The following MCUB variants were observed in gnomAD, a reference collection of about 807,000 sequenced individuals.
The protein encoded by MCUB is calcium uniporter regulatory subunit MCUb, mitochondrial.
A neutral mutation model predicts 41.4 loss-of-function variants in MCUB; 46 were observed. That is an observed-to-expected ratio of 1.11 (90% CI 0.88 to 1.42). MCUB has a LOEUF of 1.42. Ranked by LOEUF, MCUB falls within the 40% of genes most tolerant of loss-of-function variation. The pLI is 0.00. For missense variants in MCUB, 403 were observed against 404.9 expected, an observed-to-expected ratio of 1.00 and a Z score of 0.04; for synonymous variants, 148 against 148.2, an observed-to-expected ratio of 1.00 and a Z score of 0.01.
chr4:109,665,454 A>G (rs1729323790), intron 4 of MCUB, among the ~76,000 whole-genome samples: 1 of 152,188 alleles, frequency 6.6e-6, no homozygotes, highest in Non-Finnish European at 1.5e-5. Flanking sequence ...TGTCTATGAC[A>G]TTAAGAATTA....
chr4:109,585,821 G>A (rs756040459), intron 1 of MCUB, among the ~76,000 whole-genome samples: 10 of 152,236 alleles, frequency 6.6e-5, no homozygotes, highest in Non-Finnish European at 1.0e-4. Flanking sequence ...GAGATCGGCT[G>A]TTAGTCTGAT....
intron 1 of MCUB, among the ~76,000 whole-genome samples, chr4:109,633,865 A>C (rs1435939801): frequency 1.3e-5 from 2 of 150,294 alleles, no homozygotes; most frequent in Non-Finnish European, 1.5e-5. Flanking sequence ...TCTAAGAGAC[A>C]CCACCCCCAC....
chr4:109,637,140 C>T (rs1337388572), intron 1 of MCUB, among the ~76,000 whole-genome samples: 1 of 152,160 alleles, frequency 6.6e-6, no homozygotes, highest in Non-Finnish European at 1.5e-5. Flanking sequence ...AGCAGACTTA[C>T]CTGCTGATGA....
intron 1 of MCUB, among the ~76,000 whole-genome samples, chr4:109,574,110 C>T (rs1479550588): frequency 6.6e-6 from 1 of 151,860 alleles, no homozygotes; most frequent in Non-Finnish European, 1.5e-5. Flanking sequence ...CTGGCTCTGC[C>T]TCCCAAAGTG....
rs139913115 is a variant in MCUB at position 109,583,791 on chromosome 4, G to A, written c.99+23355G>A. Reference sequence around the variant, plus strand: ...GCATGAAAGGGTGTTGGATTTTGTCGAAGGCCTTTTCTGCATCTATTGAGA... The same window carrying A: ...GCATGAAAGGGTGTTGGATTTTGTCAAAGGCCTTTTCTGCATCTATTGAGA... On this transcript the variant is annotated intron_variant, in intron 1 of 7. Transcript: ENST00000394650. 5.2e-3 allele frequency among the ~76,000 whole-genome samples: 798 copies of A among 152,190 alleles called. 11 individuals carry two copies. The highest frequency in any genetic ancestry group is 0.033 in the East Asian group (170 of 5,182).
chr4:109,591,695 A>ATTGT lies in MCUB; in HGVS notation c.99+31274_99+31277dup, dbSNP rs201147281. On this transcript the variant is annotated intron_variant, in intron 1 of 7. Coordinates refer to ENST00000394650, the MANE Select transcript of MCUB (RefSeq NM_017918.5). Reference sequence around the variant, plus strand: ...GTTTCTCCATCGTATTTTAAGTCCCATTGTTTGTTTGTTTGTTTTTTGAAA... The same window carrying ATTGT: ...GTTTCTCCATCGTATTTTAAGTCCCATTGTTTGTTTGTTTGTTTGTTTTTTGAAA... 5.9e-3 allele frequency among the ~76,000 whole-genome samples: 892 copies of ATTGT among 152,008 alleles called. 9 individuals are homozygous for ATTGT. The highest frequency in any genetic ancestry group is 0.021 in the African/African-American group (867 of 41,460).
intron 4 of MCUB, among the ~76,000 whole-genome samples, chr4:109,676,258 G>T (rs1298934604): frequency 6.6e-6 from 1 of 152,184 alleles, no homozygotes; most frequent in Non-Finnish European, 1.5e-5. Context: ...TCGATGGTAG[G>T]CTGGGTGTGG....
chr4:109,650,317 G>T (rs1728933807), intron 1 of MCUB, among the ~76,000 whole-genome samples: 1 of 152,114 alleles, frequency 6.6e-6, no homozygotes, highest in Admixed American at 6.5e-5. Context: ...TTGTACAGGA[G>T]TGTCTTTGCT....
chr4:109,655,547 G>A (rs7699736), intron 1 of MCUB, among the ~76,000 whole-genome samples: 106,888 of 151,846 alleles, frequency 0.7, 38,274 homozygotes, highest in African/African-American at 0.83. Flanking sequence ...AACTTCAATC[G>A]CTCGTGAAAT....
At chr4:109,670,162 G>A (rs940952557) in intron 4 of MCUB, among the ~76,000 whole-genome samples, 3 of 152,166 alleles carry the variant, frequency 2.0e-5, no homozygotes, top group African/African-American at 7.2e-5. Context: ...GATAAAGTAA[G>A]GTATGGAGGG....
intron 1 of MCUB, among the ~76,000 whole-genome samples, chr4:109,576,184 C>A (rs898379673): frequency 7.9e-5 from 12 of 152,180 alleles, no homozygotes; most frequent in Non-Finnish European, 1.8e-4. Context: ...GACTTCCCAA[C>A]CTCAATATAA....
chr4:109,603,244 C>T (rs879612940), intron 1 of MCUB, among the ~76,000 whole-genome samples: 15 of 152,288 alleles, frequency 9.8e-5, no homozygotes, highest in African/African-American at 2.6e-4. Flanking sequence ...TGCAGGCGCG[C>T]GCCGCCACGC....
chr4:109,573,361 C>G (rs11941206), intron 1 of MCUB, among the ~76,000 whole-genome samples: 37,245 of 151,124 alleles, frequency 0.25, 6,707 homozygotes, highest in African/African-American at 0.51. Flanking sequence ...GCTGCGGCAG[C>G]AGAACCGCGT....
chr4:109,567,501 T>C (rs533684423), intron 1 of MCUB, among the ~76,000 whole-genome samples: 37 of 87,312 alleles, frequency 4.2e-4, no homozygotes, highest in Admixed American at 1.8e-3. Flanking sequence ...AAACCAAACC[T>C]GGTCTCTACT....
chr4:109,624,469 CA>C (rs1443808751), intron 1 of MCUB, among the ~76,000 whole-genome samples: 4 of 152,164 alleles, frequency 2.6e-5, no homozygotes, highest in Admixed American at 2.6e-4. Flanking sequence ...GTTTTGAAGA[CA>C]TGTGAACACA....
At chr4:109,619,778 G>A (rs1240462444) in intron 1 of MCUB, among the ~76,000 whole-genome samples, 3 of 152,104 alleles carry the variant, frequency 2.0e-5, no homozygotes, top group Admixed American at 2.0e-4. Context: ...GGGACATGTT[G>A]CTTCTGCCTG....
intron 1 of MCUB, among the ~76,000 whole-genome samples, chr4:109,618,862 T>C (rs1426314606): frequency 1.3e-5 from 2 of 152,082 alleles, no homozygotes; most frequent in Non-Finnish European, 2.9e-5. Flanking sequence ...AACATAACAA[T>C]AAGCTTCTTA....
intron 1 of MCUB, among the ~76,000 whole-genome samples, chr4:109,577,340 T>C (rs911072717): frequency 6.6e-6 from 1 of 152,218 alleles, no homozygotes. Context: ...TCAGCACTCC[T>C]TTTGTTTCAT....
At chr4:109,668,542 G>A (rs1447362450) in intron 4 of MCUB, among the ~76,000 whole-genome samples, 1 of 151,876 alleles carries the variant, frequency 6.6e-6, no homozygotes, top group Non-Finnish European at 1.5e-5. Context: ...TTTAAAGTGG[G>A]TTTCTTATAG....
Sources: gnomAD v4.1 joint callset for allele counts (sites outside exome capture counted in the v4.1 genomes callset) on GRCh38, gnomAD v4.1.1 for gene constraint, MANE v1.5 for transcripts, NCBI Gene and HGNC (gene_info 2026-07-23, HGNC 2026-07-21) for gene names.